Variants in LIMS2 observed in about 807,000 individuals in gnomAD.
The protein encoded by LIMS2 is LIM and senescent cell antigen-like-containing domain protein 2.
A neutral mutation model predicts 45.3 loss-of-function variants in LIMS2; 30 were observed. The observed-to-expected ratio is 0.66, with a 90% CI of 0.50 to 0.90. LIMS2 has a LOEUF of 0.90. Ranked by LOEUF, LIMS2 falls within the 40% of genes least tolerant of loss-of-function variation. The pLI is 0.00. For missense variants in LIMS2, 485 were observed against 468.7 expected (o/e 1.03, Z -0.32); for synonymous variants, 173 against 188.0 (o/e 0.92, Z 0.65).
At chr2:127,643,463 T>C (rs759378353) in intron 4 of LIMS2, 4 of 457,480 alleles carry the variant, frequency 8.7e-6, no homozygotes, top group South Asian at 4.6e-5. Context: ...CCCAGCAGAG[T>C]GGCCAGTGAG....
At chr2:127,668,667 T>G (rs1376680241) in intron 1 of LIMS2, among the ~76,000 whole-genome samples, 1 of 13,702 alleles carries the variant, frequency 7.3e-5, no homozygotes, top group East Asian at 2.4e-3. Context: ...AGACTCCGTC[T>G]CAAAAAAAAA....
intron 6 of LIMS2, chr2:127,641,254 TGG>T: frequency 2.5e-6 from 1 of 401,062 alleles, no homozygotes. Context: ...AAGGCACTGA[TGG>T]TAACCTTGTG....
intron 9 of LIMS2, 115 bp from the exon 10 acceptor site, chr2:127,639,543 A>G: frequency 3.0e-6 from 4 of 1,316,372 alleles, no homozygotes; most frequent in Non-Finnish European, 4.2e-6. Context: ...AGCCTCTCCT[A>G]GCCAGCAGGC....
rs1684853070 is a variant in LIMS2, at chr2:127,664,141, A to C, written c.12-6579T>G. Among the ~76,000 whole-genome samples, 1 of 152,040 alleles carries C rather than the reference A, an allele frequency of 6.6e-6. No individual in the cohort carries two copies. The highest frequency in any genetic ancestry group is 2.1e-4 in the South Asian group (1 of 4,832). On this transcript the variant is annotated intron_variant, in intron 1 of 9. Transcript: ENST00000355119. This position sits in a 1 kb window ranked among gnomAD's most constrained non-coding sequence, Gnocchi z 5.5. ...CAGGTGACATCCAACCCTGTTAGAT[A>C]AAGTCGCACGCGCCCACCCTGTCGC... is the stretch of plus-strand genomic sequence containing the variant.
intron 1 of LIMS2, among the ~76,000 whole-genome samples, chr2:127,661,903 C>G (rs763007200): frequency 1.3e-5 from 2 of 152,198 alleles, no homozygotes; most frequent in Non-Finnish European, 2.9e-5. Context: ...CCCATCTCCT[C>G]TTGGCATCCC....
intron 6 of LIMS2, 192 bp from the exon 7 acceptor site, chr2:127,641,180 A>G: frequency 1.7e-6 from 1 of 581,036 alleles, no homozygotes; most frequent in Non-Finnish European, 3.1e-6. Flanking sequence ...CAGGATTCAC[A>G]CTGGGCAGAG....
chr2:127,647,728 C>A lies in LIMS2; in HGVS notation c.360-4656G>T, dbSNP rs542278647. Among the ~76,000 whole-genome samples the A allele has an allele frequency of 1.3e-5, 2 of 152,082 alleles. No homozygotes were observed. The highest frequency in any genetic ancestry group is 2.9e-5 in the Non-Finnish European group (2 of 67,982). The stretch of plus-strand genomic sequence containing the variant: ...TCCTGCCAACCTGAAAACAGCACAC[C>A]TGTGTGCCCCTCCCATCTACCATGG... On this transcript the variant is annotated intron_variant, in intron 4 of 9. Coordinates refer to ENST00000355119, the MANE Select transcript of LIMS2 (RefSeq NM_001161403.3). The surrounding 1 kb of genome is among the most constrained non-coding windows in gnomAD (Gnocchi z 4.3).
At chr2:127,652,308 G>A (rs11886384) in intron 4 of LIMS2, 212 of 173,750 alleles carry the variant, frequency 1.2e-3, no homozygotes, top group African/African-American at 4.9e-3. Context: ...GGTTGCCAGC[G>A]GACGTCAGCA....
In LIMS2 at chr2:127,681,319, C is replaced by G. The variant is rs898847694; in HGVS notation, c.-5+1G>C. On this transcript the variant is annotated splice_donor_variant, in intron 1 of 9. Coordinates refer to the LIMS2 transcript ENST00000410011. LOFTEE classifies it low-confidence loss of function (5UTR_SPLICE). ...CCCTGTGCCCATCACAGAGTCTTTA[C>G]CTCTGTGGCTGAGATGCCGCTCCGC... 7 of 152,428 alleles carry G rather than the reference C, an allele frequency of 4.6e-5. No individual in the cohort carries two copies. The highest frequency in any genetic ancestry group is 1.4e-4 in the African/African-American group (6 of 41,468). 9.4% of individuals were successfully genotyped at this position (152,428 alleles called of 1,614,324 possible). A position where few individuals can be genotyped will look rare whatever the true frequency, so the allele number is the denominator to read the frequency against.
chr2:127,642,542 G>A lies in LIMS2; in HGVS notation c.510-343C>T, dbSNP rs1383524474. 2.5e-5 allele frequency: 9 copies of A among 360,724 alleles called. No homozygotes were observed. The highest frequency in any genetic ancestry group is 5.3e-5 in the South Asian group (1 of 19,016). The allele number at this position is 360,724 out of a possible 1,614,324, so 22.3% of individuals were successfully genotyped here. ...GGGGACGGTGGGGGTGGGCGAGGAC[G>A]GGGGCTGAGGGGCTGCCTATGCAAC... On this transcript the variant is annotated intron_variant, in intron 5 of 9. Transcript: ENST00000355119. The surrounding 1 kb of genome is among the most constrained non-coding windows in gnomAD (Gnocchi z 5.3).
At position 127,643,137 on chromosome 2, in the gene LIMS2, GAA is replaced by G; in HGVS notation, c.360-67_360-66del. On this transcript the variant is annotated intron_variant, in intron 4 of 9. Coordinates refer to ENST00000355119, the MANE Select transcript of LIMS2 (RefSeq NM_001161403.3). The stretch of plus-strand genomic sequence containing the variant: ...CCACACAGCCTGGCCACCTCCAGGA[GAA>G]GAGAGGCCAGACCCCTGCAACTTCA... The G allele has an allele frequency of 4.7e-6, 7 of 1,502,414 alleles. No homozygotes were observed. In the South Asian group the frequency reaches 8.7e-5, roughly 19 times the overall value. 93.1% of individuals were successfully genotyped at this position (1,502,414 alleles called of 1,614,324 possible).
intron 8 of LIMS2, 46 bp downstream of exon 8, chr2:127,640,224 G>A (rs1320822069): frequency 6.2e-7 from 1 of 1,612,156 alleles, no homozygotes; most frequent in African/African-American, 1.3e-5. Flanking sequence ...CAGCACCCAG[G>A]CCCCAGGAGA....
chr2:127,671,863 C>T lies in LIMS2; in HGVS notation c.11+3151G>A, dbSNP rs1363564863. Among the ~76,000 whole-genome samples, 1 of 152,216 alleles carries T rather than the reference C, an allele frequency of 6.6e-6. No homozygotes were observed. Among genetic ancestry groups the T allele is most frequent in the Non-Finnish European group, 1.5e-5 (1 of 68,040 alleles). On this transcript the variant is annotated intron_variant, in intron 1 of 9. Coordinates refer to ENST00000355119, the MANE Select transcript of LIMS2 (RefSeq NM_001161403.3). The surrounding 1 kb of genome is among the most constrained non-coding windows in gnomAD (Gnocchi z 4.1). ...CCCACTTTACAGTTTGCTTAAGCCCCTGACGCCACTGCAGCCTCGTGTGCT... is the reference window on the plus strand; with the variant it reads ...CCCACTTTACAGTTTGCTTAAGCCCTTGACGCCACTGCAGCCTCGTGTGCT...
At chr2:127,651,770 C>T in intron 4 of LIMS2, 1 of 1,607,050 alleles carries the variant, frequency 6.2e-7, no homozygotes, top group Non-Finnish European at 8.5e-7. Context: ...GGGGCGCCGT[C>T]CAGGCCGAGC....
chr2:127,673,604 C>G, intron 1 of LIMS2: 1 of 1,451,360 alleles, frequency 6.9e-7, no homozygotes, highest in Non-Finnish European at 9.5e-7. Flanking sequence ...GCCTCCCATT[C>G]CAGCCCCGCA....
intron 6 of LIMS2, chr2:127,641,735 C>A (rs1322522314): frequency 1.3e-5 from 4 of 297,018 alleles, no homozygotes; most frequent in Non-Finnish European, 2.5e-5. Flanking sequence ...CATCCACAAC[C>A]CCCAGGCACT....
chr2:127,643,096 G>C (rs747654492), intron 4 of LIMS2, 24 bp from the exon 5 acceptor site: 1 of 1,550,880 alleles, frequency 6.4e-7, no homozygotes, highest in East Asian at 2.4e-5. Flanking sequence ...GGGCATTAGG[G>C]GCAGAGCCCC....
chr2:127,641,486 G>T, intron 6 of LIMS2: 1 of 173,080 alleles, frequency 5.8e-6, no homozygotes, highest in Non-Finnish European at 1.3e-5. Context: ...CTGGGGGCTG[G>T]GGCCTGCATC....
rs61738377 is a variant in LIMS2, at chr2:127,650,815, C to T, written c.359+3609G>A. 6.8e-4 allele frequency: 1,099 copies of T among 1,613,700 alleles called. 7 individuals are homozygous for T. The African/African-American group carries it at 0.011, about 16-fold the overall frequency. On this transcript the variant is annotated intron_variant, in intron 4 of 9. Transcript: ENST00000355119. Reference sequence around the variant, plus strand: ...ACGGCAGAGCAATGTGGCCAGGAGACGCCACTGGAGAACATGCTGTTCGCC... The same window carrying T: ...ACGGCAGAGCAATGTGGCCAGGAGATGCCACTGGAGAACATGCTGTTCGCC...
Sources: gnomAD v4.1 joint callset for allele counts (sites outside exome capture counted in the v4.1 genomes callset) on GRCh38, gnomAD v4.1.1 for gene constraint, Gnocchi (gnomAD v3.1) non-coding constraint, MANE v1.5 for transcripts, NCBI Gene and HGNC (gene_info 2026-07-23, HGNC 2026-07-21) for gene names.